CCDC3: variants seen among roughly 807,000 people sequenced by gnomAD.
The protein encoded by CCDC3 is coiled-coil domain-containing protein 3.
In CCDC3, 24 loss-of-function variants were observed where a neutral mutation model predicts 21.4. That is an observed-to-expected ratio of 1.12 (90% confidence interval 0.81 to 1.58). The LOEUF (loss-of-function observed/expected upper bound fraction) is 1.58, where lower values mean the gene tolerates loss of function less well. Ranked by LOEUF, CCDC3 falls within the 40% of genes most tolerant of loss-of-function variation. The pLI is 0.00. For missense variants in CCDC3, 425 were observed against 360.9 expected (o/e 1.18, Z -1.44); for synonymous variants, 186 against 166.0 (o/e 1.12, Z -0.93).
intron 2 of CCDC3, among the ~76,000 whole-genome samples, chr10:12,988,108 G>A: frequency 6.6e-6 from 1 of 152,106 alleles, no homozygotes; most frequent in East Asian, 1.9e-4. Context: ...ATGTCCACAT[G>A]ATCCAGCCCA....
intron 4 of CCDC3, among the ~76,000 whole-genome samples, chr10:13,066,245 C>T (rs989185874): frequency 6.6e-5 from 10 of 152,126 alleles, no homozygotes; most frequent in Admixed American, 1.3e-4. Flanking sequence ...GCACCCTTGC[C>T]CTCCCGGGCT....
At chr10:13,093,046 T>A in intron 3 of CCDC3, among the ~76,000 whole-genome samples, 1 of 135,942 alleles carries the variant, frequency 7.4e-6, no homozygotes, top group Admixed American at 7.5e-5. Flanking sequence ...TTTTTTTTTT[T>A]CAAAAACAAA....
intron 4 of CCDC3, among the ~76,000 whole-genome samples, chr10:13,051,438 GT>G (rs1836606540): frequency 6.6e-6 from 1 of 152,158 alleles, no homozygotes; most frequent in Admixed American, 6.5e-5. Context: ...AGCTTCAATT[GT>G]TTCATTTCTA....
intron 2 of CCDC3, among the ~76,000 whole-genome samples, chr10:12,941,453 C>T (rs922519585): frequency 6.6e-6 from 1 of 152,190 alleles, no homozygotes; most frequent in African/African-American, 2.4e-5. Flanking sequence ...GATCCAAGAA[C>T]CCTCTCTTGG....
At chr10:13,086,129 T>C (rs950109496) in intron 3 of CCDC3, among the ~76,000 whole-genome samples, 3 of 152,136 alleles carry the variant, frequency 2.0e-5, no homozygotes, top group Non-Finnish European at 4.4e-5. Context: ...TAAACTTCCA[T>C]ATGTTCTTAG....
Position 13,080,866 on chromosome 10 carries a change from G to A in CCDC3, c.-502-6766C>T, listed in dbSNP as rs181591387. 1.4e-3 allele frequency among the ~76,000 whole-genome samples: 217 copies of A among 152,376 alleles called. 2 individuals are homozygous for A. The Middle Eastern group carries it at 0.02, about 14-fold the overall frequency. The stretch of plus-strand genomic sequence containing the variant: ...GGCCAGACAGTGGGGGCTTGGGCAG[G>A]AGCAAAGTCTAGGGTTGGCCGGGTG... On this transcript the variant is annotated intron_variant, in intron 3 of 6. Coordinates refer to the CCDC3 transcript ENST00000378839.
chr10:12,938,062 C>T lies in CCDC3; in HGVS notation c.550-39383G>A, dbSNP rs1033937044. On this transcript the variant is annotated intron_variant, in intron 2 of 2. Transcript: ENST00000378825. ...AAACATCTTCAACCCACATGGAATT[C>T]TCTCCATCTGCCTGCTTCATTGAAA... Among the ~76,000 whole-genome samples, 5 of 152,226 alleles carry T rather than the reference C, an allele frequency of 3.3e-5. 1 individual carries two copies. Among genetic ancestry groups the T allele is most frequent in the African/African-American group, 1.2e-4 (5 of 41,458 alleles).
intron 3 of CCDC3, among the ~76,000 whole-genome samples, chr10:13,082,981 C>A (rs1018090877): frequency 1.3e-5 from 2 of 152,080 alleles, no homozygotes; most frequent in African/African-American, 4.8e-5. Flanking sequence ...CAGCTTGTGC[C>A]CTCGGTCTCT....
At chr10:12,991,096 C>A (rs187658821) in intron 2 of CCDC3, among the ~76,000 whole-genome samples, 5 of 152,202 alleles carry the variant, frequency 3.3e-5, no homozygotes. Context: ...AGCACACTTG[C>A]GGGGATACCT....
intron 2 of CCDC3, among the ~76,000 whole-genome samples, chr10:12,989,050 C>G (rs532520109): frequency 4.6e-5 from 7 of 152,326 alleles, no homozygotes; most frequent in Admixed American, 1.3e-4. Context: ...CCAGATCGAG[C>G]CCCCTCAATC....
At chr10:12,923,813 A>G (rs1442861883) in intron 2 of CCDC3, among the ~76,000 whole-genome samples, 2 of 152,158 alleles carry the variant, frequency 1.3e-5, no homozygotes, top group African/African-American at 2.4e-5. Flanking sequence ...TTACAAGTCA[A>G]TAGTGCTATT....
intron 3 of CCDC3, among the ~76,000 whole-genome samples, chr10:13,079,584 T>C (rs368354625): frequency 2.0e-5 from 3 of 150,648 alleles, no homozygotes; most frequent in Admixed American, 1.3e-4. Flanking sequence ...AGCCACGGGG[T>C]TGGGGGGAGA....
intron 2 of CCDC3, among the ~76,000 whole-genome samples, chr10:12,963,417 A>G (rs1209853389): frequency 6.6e-6 from 1 of 152,178 alleles, no homozygotes; most frequent in African/African-American, 2.4e-5. Context: ...AAATACACAC[A>G]TAGCACTTCC....
At position 12,951,148 on chromosome 10, in the gene CCDC3, A is replaced by C. The variant is rs143305991; in HGVS notation, c.549+47190T>G. On this transcript the variant is annotated intron_variant, in intron 2 of 2. Transcript: ENST00000378825. Reference sequence around the variant, plus strand: ...CCTGTAATTCAAGCACTTTGGAAGGAATACTCGAGTCCAGGACTTCAAGAC... The same window carrying C: ...CCTGTAATTCAAGCACTTTGGAAGGCATACTCGAGTCCAGGACTTCAAGAC... Among the ~76,000 whole-genome samples, 469 of 152,294 alleles carry C rather than the reference A, an allele frequency of 3.1e-3. 14 individuals carry two copies. In the East Asian group the frequency reaches 0.057, roughly 19 times the overall value.
chr10:12,933,637 T>C (rs1459491498), intron 2 of CCDC3, among the ~76,000 whole-genome samples: 1 of 152,028 alleles, frequency 6.6e-6, no homozygotes, highest in Non-Finnish European at 1.5e-5. Flanking sequence ...TTTGTGTTTT[T>C]AGTAGAGATG....
intron 2 of CCDC3, among the ~76,000 whole-genome samples, chr10:12,993,026 C>T (rs913523810): frequency 4.6e-5 from 7 of 152,214 alleles, no homozygotes; most frequent in African/African-American, 1.4e-4. Context: ...AAGATAGCTT[C>T]CCTTCCATCC....
chr10:12,910,129 C>G (rs1834243836), intron 2 of CCDC3, among the ~76,000 whole-genome samples: 1 of 152,200 alleles, frequency 6.6e-6, no homozygotes, highest in Non-Finnish European at 1.5e-5. Context: ...GAGAATTTAT[C>G]AAACCCAGAC....
At chr10:13,068,287 G>A (rs889040399) in intron 4 of CCDC3, among the ~76,000 whole-genome samples, 2 of 151,970 alleles carry the variant, frequency 1.3e-5, no homozygotes, top group East Asian at 1.9e-4. Context: ...ATTGGCAGAC[G>A]AAAAATTTCA....
At chr10:13,020,621 T>A (rs1836132443) in intron 5 of CCDC3, among the ~76,000 whole-genome samples, 1 of 152,158 alleles carries the variant, frequency 6.6e-6, no homozygotes, top group African/African-American at 2.4e-5. Context: ...CCTCAAAATA[T>A]GCACTGATTT....
Sources: gnomAD v4.1 joint callset for allele counts (sites outside exome capture counted in the v4.1 genomes callset) on GRCh38, gnomAD v4.1.1 for gene constraint, MANE v1.5 for transcripts, NCBI Gene and HGNC (gene_info 2026-07-23, HGNC 2026-07-21) for gene names.